The following CCSER1 variants were observed in gnomAD, a reference collection of about 807,000 sequenced individuals.
CCSER1 encodes the protein serine-rich coiled-coil domain-containing protein 1.
CCSER1 carries 41 observed loss-of-function variants against 82.0 expected under a neutral mutation model. That is an observed-to-expected ratio of 0.50 (90% CI 0.39 to 0.65). The LOEUF (loss-of-function observed/expected upper bound fraction) is 0.65, where lower values mean the gene tolerates loss of function less well. Ranked by LOEUF, CCSER1 falls within the 30% of genes least tolerant of loss-of-function variation. The pLI is 0.00. For synonymous variants in CCSER1, 414 were observed against 383.9 expected (o/e 1.08, Z -0.92); for missense variants, 1,119 against 1,064.2 (o/e 1.05, Z -0.72).
chr4:90,927,691 C>T (rs1729233922), intron 9 of CCSER1, among the ~76,000 whole-genome samples: 1 of 151,944 alleles, frequency 6.6e-6, no homozygotes, highest in South Asian at 2.1e-4. Flanking sequence ...AAAAACTTTT[C>T]AATGCAATTA....
chr4:90,638,172 A>G lies in CCSER1; in HGVS notation c.1932+9940A>G, dbSNP rs576501033. 1.4e-3 allele frequency among the ~76,000 whole-genome samples: 220 copies of G among 152,284 alleles called. 1 individual carries two copies. Among genetic ancestry groups the G allele is most frequent in the Non-Finnish European group, 1.7e-3 (119 of 68,018 alleles). ...AAGGCATCTTCTGTGTGAGTGAACT[A>G]GGTACTCTGCAGCACCACATTTTAT... is the stretch of plus-strand genomic sequence containing the variant. On this transcript the variant is annotated intron_variant, in intron 6 of 10. Coordinates refer to ENST00000509176, the MANE Select transcript of CCSER1 (RefSeq NM_001145065.2).
At chr4:91,275,433 AT>A (rs1742357721) in intron 10 of CCSER1, among the ~76,000 whole-genome samples, 1 of 151,968 alleles carries the variant, frequency 6.6e-6, no homozygotes, top group Non-Finnish European at 1.5e-5. Context: ...GATGTTGAGC[AT>A]TTTTTCAACT....
At chr4:90,233,922 A>G (rs1044459166) in intron 1 of CCSER1, among the ~76,000 whole-genome samples, 16 of 152,192 alleles carry the variant, frequency 1.1e-4, no homozygotes, top group Non-Finnish European at 7.3e-5. Context: ...CCTTTCTTAC[A>G]TACGTTGTTT....
intron 10 of CCSER1, chr4:91,112,458 CAG>C (rs1448246310): frequency 6.6e-6 from 1 of 152,036 alleles, no homozygotes; most frequent in Non-Finnish European, 1.5e-5. Flanking sequence ...AAAATTTGTA[CAG>C]AGACAGTGAA....
intron 1 of CCSER1, among the ~76,000 whole-genome samples, chr4:90,161,459 T>C (rs1197972571): frequency 6.6e-6 from 1 of 152,136 alleles, no homozygotes; most frequent in Non-Finnish European, 1.5e-5. Flanking sequence ...GCTGTTGGCA[T>C]TTTGTTATAA....
chr4:91,290,468 A>T (rs182463107), intron 10 of CCSER1, among the ~76,000 whole-genome samples: 9 of 152,094 alleles, frequency 5.9e-5, no homozygotes, highest in Admixed American at 3.9e-4. Flanking sequence ...ATTTGTGTAT[A>T]TGTGTACATT....
chr4:90,669,564 G>A (rs1041078765), intron 6 of CCSER1, among the ~76,000 whole-genome samples: 12 of 152,150 alleles, frequency 7.9e-5, no homozygotes, highest in Middle Eastern at 3.4e-3. Context: ...TGCTTGATAA[G>A]TTTGGTTATG....
At chr4:90,738,212 CT>C (rs1174319387) in intron 7 of CCSER1, among the ~76,000 whole-genome samples, 1 of 152,132 alleles carries the variant, frequency 6.6e-6, no homozygotes, top group African/African-American at 2.4e-5. Flanking sequence ...TTATTGTAGT[CT>C]TTGCAGTCTG....
At chr4:91,508,162 G>GTTTTTTTTTTTTTTTTTTTTTTTGT (rs139066436) in intron 10 of CCSER1, among the ~76,000 whole-genome samples, 1 of 97,654 alleles carries the variant, frequency 1.0e-5, no homozygotes, top group Non-Finnish European at 1.9e-5. Flanking sequence ...TTTTTTCTGG[G>GTTTTTTTTTTTTTTTTTTTTTTTGT]TTTTTTTTTT....
At chr4:90,532,109 T>A (rs191552293) in intron 5 of CCSER1, among the ~76,000 whole-genome samples, 1 of 152,148 alleles carries the variant, frequency 6.6e-6, no homozygotes, top group East Asian at 1.9e-4. Flanking sequence ...AGCTATATAG[T>A]ATCTTTATAA....
At chr4:90,912,752 C>T (rs6813891) in intron 8 of CCSER1, among the ~76,000 whole-genome samples, 10,497 of 152,098 alleles carry the variant, frequency 0.069, 420 homozygotes, top group Admixed American at 0.13. Context: ...AAAGATTAGA[C>T]GAATGGCTAA....
chr4:90,438,226 A>G (rs1185843813), intron 4 of CCSER1, among the ~76,000 whole-genome samples: 3 of 152,202 alleles, frequency 2.0e-5, no homozygotes, highest in Non-Finnish European at 2.9e-5. Flanking sequence ...CTTTAGAAGT[A>G]TAAATCTTAT....
chr4:90,919,453 T>C (rs1274541800), intron 8 of CCSER1, among the ~76,000 whole-genome samples: 1 of 151,932 alleles, frequency 6.6e-6, no homozygotes, highest in Non-Finnish European at 1.5e-5. Context: ...TTGTATGTTC[T>C]GGAGAGGATT....
intron 1 of CCSER1, among the ~76,000 whole-genome samples, chr4:90,301,182 C>A (rs546109815): frequency 5.1e-4 from 77 of 152,102 alleles, no homozygotes; most frequent in Non-Finnish European, 9.3e-4. Context: ...TACTTTTAGT[C>A]CAACTTTAAG....
intron 6 of CCSER1, among the ~76,000 whole-genome samples, chr4:90,655,175 A>G (rs1729485313): frequency 1.3e-5 from 2 of 152,080 alleles, no homozygotes; most frequent in South Asian, 4.2e-4. Flanking sequence ...CTCATGTCAA[A>G]TCTAGCAGAT....
At chr4:91,169,224 T>A (rs1307530591) in intron 10 of CCSER1, among the ~76,000 whole-genome samples, 3 of 131,436 alleles carry the variant, frequency 2.3e-5, no homozygotes, top group African/African-American at 8.0e-5. Flanking sequence ...AAAAAAAGAT[T>A]GGTCACTGAG....
chr4:90,660,113 A>G (rs1730482136), intron 6 of CCSER1, among the ~76,000 whole-genome samples: 1 of 152,072 alleles, frequency 6.6e-6, no homozygotes, highest in Admixed American at 6.6e-5. Flanking sequence ...TCTATAGGAA[A>G]CAGTATGGCA....
At chr4:90,627,620 C>T (rs537149180) in intron 5 of CCSER1, among the ~76,000 whole-genome samples, 60 of 152,058 alleles carry the variant, frequency 3.9e-4, no homozygotes, top group African/African-American at 1.4e-3. Flanking sequence ...TTCATTGAAT[C>T]TTACCACTAA....
chr4:90,616,425 A>T (rs1306641426), intron 5 of CCSER1, among the ~76,000 whole-genome samples: 1 of 152,150 alleles, frequency 6.6e-6, no homozygotes, highest in African/African-American at 2.4e-5. Flanking sequence ...TCACACCTGT[A>T]ATCCTAGCAC....
Sources: allele counts gnomAD v4.1 joint callset (sites outside exome capture counted in the v4.1 genomes callset), GRCh38; gene constraint gnomAD v4.1.1; transcripts MANE v1.5; gene names NCBI Gene and HGNC (gene_info 2026-07-23, HGNC 2026-07-21).